The following PACRG variants were observed in gnomAD, a reference collection of about 807,000 sequenced individuals.
The protein encoded by PACRG is parkin coregulated gene protein.
Under a neutral mutation model 29.7 loss-of-function variants are expected in PACRG, and 29 were observed. The ratio of observed to expected loss-of-function variants is 0.98; its 90% CI spans 0.73 to 1.33. The LOEUF is 1.33. Ranked by LOEUF, PACRG falls within the 40% of genes most tolerant of loss-of-function variation. The pLI, the probability that PACRG is intolerant of heterozygous loss-of-function variation, is 0.00. For synonymous variants in PACRG, 116 were observed against 118.7 expected, an observed-to-expected ratio of 0.98 and a Z score of 0.15; for missense variants, 279 against 316.2, an observed-to-expected ratio of 0.88 and a Z score of 0.89.
Position 163,158,219 on chromosome 6 carries a change from A to C in PACRG, c.613+68811A>C, listed in dbSNP as rs565683843. The stretch of plus-strand genomic sequence containing the variant: ...TGACTGTATTAAGAATTGTACCTAC[A>C]GGGAGTGGCCACCTTGATTAATGTG... On this transcript the variant is annotated intron_variant, in intron 4 of 4. Coordinates refer to ENST00000366888, the MANE Select transcript of PACRG (RefSeq NM_001080379.2). Among the ~76,000 whole-genome samples, 9 of 152,348 alleles carry C rather than the reference A, an allele frequency of 5.9e-5. No homozygotes were observed. The South Asian group carries it at 1.9e-3, about 32-fold the overall frequency.
intron 2 of PACRG, among the ~76,000 whole-genome samples, chr6:162,875,386 C>T (rs1425724395): frequency 6.6e-6 from 1 of 151,946 alleles, no homozygotes; most frequent in Non-Finnish European, 1.5e-5. Context: ...CAGACATTCA[C>T]ACACAGAAAT....
chr6:162,902,408 C>G lies in PACRG; in HGVS notation c.291+88127C>G, dbSNP rs1031692422. ...GCCTTAAAATACTATAGTTTACTTT[C>G]TATGAATGACTGCAGAAATTTCAAG... On this transcript the variant is annotated intron_variant, in intron 2 of 4. Coordinates refer to ENST00000366888, the MANE Select transcript of PACRG (RefSeq NM_001080379.2). 2.0e-5 allele frequency among the ~76,000 whole-genome samples: 3 copies of G among 152,304 alleles called. No individual in the cohort carries two copies. The South Asian group carries it at 6.2e-4, about 32-fold the overall frequency.
intron 2 of PACRG, among the ~76,000 whole-genome samples, chr6:163,027,074 A>G (rs895202476): frequency 3.9e-5 from 6 of 152,220 alleles, no homozygotes; most frequent in Non-Finnish European, 1.5e-5. Flanking sequence ...TAGGCCCACC[A>G]GGGATGGCTG....
At chr6:163,141,990 CCATGAAGAAGATTAAAATTTCAA>C (rs1322558413) in intron 4 of PACRG, among the ~76,000 whole-genome samples, 1 of 151,798 alleles carries the variant, frequency 6.6e-6, no homozygotes, top group Non-Finnish European at 1.5e-5. Flanking sequence ...ACAAAATTGA[CCATGAAGAAGATTAAAATTTCAA>C]CAAATTTAAA....
intron 4 of PACRG, among the ~76,000 whole-genome samples, chr6:163,306,538 C>T (rs1785203577): frequency 6.6e-6 from 1 of 152,110 alleles, no homozygotes; most frequent in South Asian, 2.1e-4. Flanking sequence ...AAGAAATTAA[C>T]CCATATAATT....
chr6:162,944,797 A>G (rs188125096), intron 2 of PACRG, among the ~76,000 whole-genome samples: 1 of 152,072 alleles, frequency 6.6e-6, no homozygotes, highest in Non-Finnish European at 1.5e-5. Context: ...AAAAAGGATT[A>G]AAAAAATGAA....
intron 2 of PACRG, among the ~76,000 whole-genome samples, chr6:163,006,211 T>TATATATATATGTATCCC (rs1295482774): frequency 1.9e-5 from 1 of 52,430 alleles, no homozygotes; most frequent in African/African-American, 6.3e-5. Flanking sequence ...ATATATCCCA[T>TATATATATATGTATCCC]ATATATATAT....
At chr6:163,174,422 C>G (rs979549135) in intron 4 of PACRG, among the ~76,000 whole-genome samples, 3 of 152,126 alleles carry the variant, frequency 2.0e-5, no homozygotes, top group Admixed American at 2.0e-4. Context: ...ACTTCAGGTT[C>G]CCAGTGCCTG....
chr6:163,231,321 C>G lies in PACRG; in HGVS notation c.614-83506C>G, dbSNP rs575164197. Among the ~76,000 whole-genome samples the G allele has an allele frequency of 4.8e-4, 73 of 152,314 alleles. 1 individual carries two copies. The highest frequency in any genetic ancestry group is 1.7e-3 in the African/African-American group (71 of 41,580). ...CATGCCACTGAAAATGCTGTTAGAA[C>G]AAGAAAACAGTAGTCTGTGTCATGT... is the stretch of plus-strand genomic sequence containing the variant. On this transcript the variant is annotated intron_variant, in intron 4 of 4. Transcript: ENST00000366888.
At chr6:163,311,032 A>G (rs1379054264) in intron 4 of PACRG, 1 of 152,230 alleles carries the variant, frequency 6.6e-6, no homozygotes, top group East Asian at 1.9e-4. Context: ...GGAGGTTTAG[A>G]TAGAAAAATG....
rs73593758 is a variant in PACRG, at chr6:163,107,681, C to T, written c.613+18273C>T. On this transcript the variant is annotated intron_variant, in intron 4 of 4. Coordinates refer to ENST00000366888, the MANE Select transcript of PACRG (RefSeq NM_001080379.2). Reference sequence around the variant, plus strand: ...TAGATTTCTTGGTGAATATTCTTCTCGTGCATCCTGTTCTTTGATGTATTG... The same window carrying T: ...TAGATTTCTTGGTGAATATTCTTCTTGTGCATCCTGTTCTTTGATGTATTG... Among the ~76,000 whole-genome samples, 1,126 of 152,286 alleles carry T rather than the reference C, an allele frequency of 7.4e-3. 15 individuals carry two copies. Among genetic ancestry groups the T allele is most frequent in the African/African-American group, 0.026 (1,090 of 41,548 alleles).
upstream of PACRG, chr6:162,727,877 C>T: frequency 6.7e-6 from 4 of 600,216 alleles, no homozygotes; most frequent in East Asian, 2.9e-5. Context: ...CTCACGCCTC[C>T]TGCCCCCAGC....
intron 2 of PACRG, among the ~76,000 whole-genome samples, chr6:162,984,550 G>A (rs1193016985): frequency 6.6e-6 from 1 of 151,964 alleles, no homozygotes; most frequent in East Asian, 1.9e-4. Flanking sequence ...GGGATTTCTG[G>A]ATCAAATGGC....
At chr6:163,194,018 G>T (rs760142914) in intron 4 of PACRG, among the ~76,000 whole-genome samples, 3 of 151,170 alleles carry the variant, frequency 2.0e-5, no homozygotes, top group Non-Finnish European at 4.4e-5. Context: ...TCAGCCTCCC[G>T]AGTAGCTGGG....
intron 2 of PACRG, among the ~76,000 whole-genome samples, chr6:162,915,148 G>A (rs1274786688): frequency 6.6e-6 from 1 of 151,822 alleles, no homozygotes; most frequent in African/African-American, 2.4e-5. Flanking sequence ...TTGGCTATGA[G>A]TTTTTCATAA....
chr6:163,265,895 C>G (rs73601581), intron 4 of PACRG, among the ~76,000 whole-genome samples: 1,592 of 152,256 alleles, frequency 0.01, 29 homozygotes, highest in African/African-American at 0.036. Context: ...AATATTTTGA[C>G]TACTGTACAT....
chr6:163,173,524 G>T lies in PACRG; in HGVS notation c.613+84116G>T, dbSNP rs529555739. Among the ~76,000 whole-genome samples the T allele has an allele frequency of 3.2e-4, 49 of 152,276 alleles. No individual in the cohort carries two copies. The South Asian group carries it at 9.7e-3, about 30-fold the overall frequency. Reference sequence around the variant, plus strand: ...AATGTCCCCCTTAGAGGCATAGGTGGTTTCTCCTCTAGACCATGGCTTGAG... The same window carrying T: ...AATGTCCCCCTTAGAGGCATAGGTGTTTTCTCCTCTAGACCATGGCTTGAG... On this transcript the variant is annotated intron_variant, in intron 4 of 4. Coordinates refer to ENST00000366888, the MANE Select transcript of PACRG (RefSeq NM_001080379.2).
At chr6:163,136,606 A>G (rs1488009446) in intron 4 of PACRG, among the ~76,000 whole-genome samples, 3 of 152,248 alleles carry the variant, frequency 2.0e-5, no homozygotes, top group Admixed American at 6.5e-5. Context: ...TTCAGGGTTC[A>G]TTTTTTGAAA....
chr6:162,738,655 A>G (rs1584189017), intron 1 of PACRG, among the ~76,000 whole-genome samples: 2 of 152,162 alleles, frequency 1.3e-5, no homozygotes, highest in Admixed American at 6.5e-5. Flanking sequence ...ATTTACTCCA[A>G]TATTTCATTT....
Sources: allele counts gnomAD v4.1 joint callset (sites outside exome capture counted in the v4.1 genomes callset), GRCh38; gene constraint gnomAD v4.1.1; transcripts MANE v1.5; gene names NCBI Gene and HGNC (gene_info 2026-07-23, HGNC 2026-07-21).